STIM2: variants seen among roughly 807,000 people sequenced by gnomAD.
The protein encoded by STIM2 is stromal interaction molecule 2.
STIM2 carries 31 observed loss-of-function variants against 85.8 expected under a neutral mutation model. The ratio of observed to expected loss-of-function variants is 0.36; its 90% CI spans 0.27 to 0.49. STIM2 has a LOEUF of 0.49. STIM2 is among the 20% of genes least tolerant of loss of function. The pLI, the probability that STIM2 is intolerant of heterozygous loss-of-function variation, is 0.98. For missense variants in STIM2, 841 were observed against 927.6 expected (o/e 0.91, Z 1.21); for synonymous variants, 356 against 331.1 (o/e 1.08, Z -0.82).
chr4:26,903,162 T>A (rs1723989138), intron 1 of STIM2, among the ~76,000 whole-genome samples: 1 of 152,178 alleles, frequency 6.6e-6, no homozygotes. Flanking sequence ...AACACAGCCT[T>A]AGTTTAGACT....
At position 26,861,131 on chromosome 4, in the gene STIM2, T is replaced by C. The variant is rs1348579278; in HGVS notation, c.-88T>C. On this transcript the variant is annotated 5_prime_UTR_variant, in exon 1 of 12. Transcript: ENST00000467087. ...AGGCGGCCGGGGCGCCGCTGCGCTT[T>C]CACCCGGCTTCTCCTCGGCGCCTTC... 8.0e-6 allele frequency: 10 copies of C among 1,248,702 alleles called. No individual in the cohort carries two copies. In the Admixed American group the frequency reaches 1.2e-4, roughly 15 times the overall value. The allele number at this position is 1,248,702 out of a possible 1,614,324, so 77.4% of individuals were successfully genotyped here.
At chr4:26,965,077 T>C (rs1212798662) in intron 3 of STIM2, among the ~76,000 whole-genome samples, 3 of 152,202 alleles carry the variant, frequency 2.0e-5, no homozygotes, top group African/African-American at 7.2e-5. Context: ...ACTTTTCCAC[T>C]TTCCTACAGT....
chr4:26,949,570 C>G (rs1468054060), intron 2 of STIM2, among the ~76,000 whole-genome samples: 2 of 152,132 alleles, frequency 1.3e-5, no homozygotes, highest in Non-Finnish European at 2.9e-5. Context: ...GCTTCTCTTT[C>G]CAAAGAAAGT....
intron 3 of STIM2, among the ~76,000 whole-genome samples, chr4:26,970,280 G>A (rs1218422730): frequency 6.8e-6 from 1 of 146,658 alleles, no homozygotes; most frequent in Non-Finnish European, 1.5e-5. Flanking sequence ...TAAGTTCTAG[G>A]GTACACGTGC....
intron 2 of STIM2, among the ~76,000 whole-genome samples, chr4:26,920,250 A>G (rs553250585): frequency 1.3e-5 from 2 of 152,196 alleles, no homozygotes; most frequent in Admixed American, 1.3e-4. Flanking sequence ...GTGGTTGCTA[A>G]TTTATTGGCC....
chr4:26,966,029 T>C (rs533078572), intron 3 of STIM2, among the ~76,000 whole-genome samples: 100 of 152,286 alleles, frequency 6.6e-4, no homozygotes, highest in Non-Finnish European at 1.2e-3. Context: ...AGATTGTTTG[T>C]GAGTTTGCCT....
intron 1 of STIM2, among the ~76,000 whole-genome samples, chr4:26,870,236 A>AGT (rs2109028116): frequency 6.6e-6 from 1 of 151,966 alleles, no homozygotes; most frequent in South Asian, 2.1e-4. Flanking sequence ...TGTAGTTAAT[A>AGT]GTGTCATATA....
chr4:26,882,627 A>G (rs2109037560), intron 1 of STIM2, among the ~76,000 whole-genome samples: 1 of 151,304 alleles, frequency 6.6e-6, no homozygotes, highest in East Asian at 2.0e-4. Context: ...ATACCCAGCT[A>G]ATTTTTGTAT....
At chr4:26,902,437 A>G (rs985258473) in intron 1 of STIM2, among the ~76,000 whole-genome samples, 2 of 152,168 alleles carry the variant, frequency 1.3e-5, no homozygotes, top group Non-Finnish European at 2.9e-5. Flanking sequence ...GAGTATAGCT[A>G]CATTTAGGAG....
intron 1 of STIM2, among the ~76,000 whole-genome samples, chr4:26,874,610 T>G (rs190892667): frequency 2.6e-4 from 40 of 152,326 alleles, no homozygotes; most frequent in Non-Finnish European, 4.1e-4. Flanking sequence ...TTTTCGAGTT[T>G]AGGGAAATAA....
intron 10 of STIM2, among the ~76,000 whole-genome samples, chr4:27,013,141 AAAG>A (rs1728612909): frequency 6.6e-6 from 1 of 151,770 alleles, no homozygotes. Flanking sequence ...AAAATAAATG[AAAG>A]AGTAGTCCCC....
At chr4:26,960,744 A>C (rs1322195838) in intron 3 of STIM2, among the ~76,000 whole-genome samples, 1 of 152,198 alleles carries the variant, frequency 6.6e-6, no homozygotes, top group Admixed American at 6.5e-5. Context: ...ACAACTTATT[A>C]GCCATGGCAT....
At chr4:26,880,788 G>A (rs145059427) in intron 1 of STIM2, among the ~76,000 whole-genome samples, 425 of 150,198 alleles carry the variant, frequency 2.8e-3, no homozygotes, top group African/African-American at 9.7e-3. Context: ...AACCAGATAC[G>A]GTAACTTAAA....
chr4:26,945,145 G>A (rs138531513), intron 2 of STIM2, among the ~76,000 whole-genome samples: 1,592 of 152,186 alleles, frequency 0.01, 18 homozygotes, highest in Non-Finnish European at 0.015. Context: ...CCCTCCATGT[G>A]TCCATGTGTT....
chr4:26,902,636 C>T (rs1041175775), intron 1 of STIM2, among the ~76,000 whole-genome samples: 2 of 152,180 alleles, frequency 1.3e-5, no homozygotes, highest in African/African-American at 4.8e-5. Context: ...CATTTTAGAT[C>T]ATTCAAAATC....
chr4:26,878,975 G>A (rs1722906889), intron 1 of STIM2, among the ~76,000 whole-genome samples: 1 of 152,210 alleles, frequency 6.6e-6, no homozygotes, highest in Non-Finnish European at 1.5e-5. Context: ...GAGGATTACA[G>A]TTGGGGGTCA....
At chr4:26,885,851 A>ATATG (rs1560194628) in intron 1 of STIM2, among the ~76,000 whole-genome samples, 2 of 47,012 alleles carry the variant, frequency 4.3e-5, no homozygotes, top group South Asian at 5.2e-4. Flanking sequence ...ATATATATAT[A>ATATG]TATATATATA....
intron 11 of STIM2, among the ~76,000 whole-genome samples, chr4:27,020,833 G>A (rs16878701): frequency 0.028 from 4,232 of 152,282 alleles, 183 homozygotes; most frequent in East Asian, 0.23. Flanking sequence ...CAAGACAAGT[G>A]AGACAAGGAC....
intron 1 of STIM2, among the ~76,000 whole-genome samples, chr4:26,865,135 C>T (rs1471931815): frequency 6.6e-6 from 1 of 152,170 alleles, no homozygotes; most frequent in Non-Finnish European, 1.5e-5. Context: ...TTCTCTTTCT[C>T]TTTCCCCTTT....
Sources: allele counts gnomAD v4.1 joint callset (sites outside exome capture counted in the v4.1 genomes callset), GRCh38; gene constraint gnomAD v4.1.1; transcripts MANE v1.5; gene names NCBI Gene and HGNC (gene_info 2026-07-23, HGNC 2026-07-21).